SCHIP1: variants seen among roughly 807,000 people sequenced by gnomAD.
The protein encoded by SCHIP1 is schwannomin-interacting protein 1.
Under a neutral mutation model 29.7 loss-of-function variants are expected in SCHIP1, and 8 were observed. The observed-to-expected ratio is 0.27, with a 90% CI of 0.16 to 0.49. The LOEUF (loss-of-function observed/expected upper bound fraction) is 0.49, where lower values mean the gene tolerates loss of function less well. Among genes scored for constraint, SCHIP1 ranks in the 20% least tolerant of loss-of-function variants. The probability of loss-of-function intolerance (pLI) is 0.99; values close to 1 mark genes in which losing one functional copy is unlikely to be tolerated. For missense variants in SCHIP1, 193 were observed against 294.6 expected, an observed-to-expected ratio of 0.66 and a Z score of 2.52; for synonymous variants, 76 against 94.9, an observed-to-expected ratio of 0.80 and a Z score of 1.16.
chr3:159,481,718 T>C, the SCHIP1 span, among the ~76,000 whole-genome samples: 1 of 152,196 alleles, frequency 6.6e-6, no homozygotes, highest in Non-Finnish European at 1.5e-5. Context: ...CACTATGTAA[T>C]TCCTGCCTGT....
At chr3:159,314,491 G>T in the SCHIP1 span, among the ~76,000 whole-genome samples, 4 of 152,180 alleles carry the variant, frequency 2.6e-5, no homozygotes, top group Non-Finnish European at 4.4e-5. Flanking sequence ...ATGAGAGGAA[G>T]CATGCTCTTG....
At chr3:159,682,092 T>C in the SCHIP1 span, among the ~76,000 whole-genome samples, 1 of 152,236 alleles carries the variant, frequency 6.6e-6, no homozygotes, top group Non-Finnish European at 1.5e-5. Flanking sequence ...AGAAGCCCTG[T>C]CCTCAAATGT....
the SCHIP1 span, among the ~76,000 whole-genome samples, chr3:159,798,123 C>T: frequency 6.6e-6 from 1 of 152,200 alleles, no homozygotes; most frequent in African/African-American, 2.4e-5. Flanking sequence ...GGGTCTAATA[C>T]AGGAGCTCAG....
chr3:159,619,419 C>G, the SCHIP1 span, among the ~76,000 whole-genome samples: 4 of 152,222 alleles, frequency 2.6e-5, no homozygotes, highest in Middle Eastern at 3.4e-3. Context: ...CATTGGTTCC[C>G]CCTTGCTTAT....
the SCHIP1 span, among the ~76,000 whole-genome samples, chr3:159,489,795 C>A: frequency 6.6e-6 from 1 of 151,880 alleles, no homozygotes; most frequent in African/African-American, 2.4e-5. Context: ...TTGTACAGAG[C>A]TAATAGAAAG....
At chr3:159,387,330 AT>A in the SCHIP1 span, 2 of 359,816 alleles carry the variant, frequency 5.6e-6, no homozygotes, top group South Asian at 2.3e-5. Context: ...TTATCTCAGC[AT>A]TTTTATGGGC....
the SCHIP1 span, among the ~76,000 whole-genome samples, chr3:159,827,731 G>A: frequency 6.6e-6 from 1 of 151,810 alleles, no homozygotes; most frequent in East Asian, 1.9e-4. Flanking sequence ...CGTGAACCCG[G>A]GAAGCGGAGC....
At chr3:159,807,992 C>T in the SCHIP1 span, among the ~76,000 whole-genome samples, 1 of 152,194 alleles carries the variant, frequency 6.6e-6, no homozygotes, top group Non-Finnish European at 1.5e-5. Context: ...GAGCCCTGTT[C>T]TTCTTACTAT....
At chr3:159,680,650 ATG>A in the SCHIP1 span, among the ~76,000 whole-genome samples, 1 of 55,340 alleles carries the variant, frequency 1.8e-5, no homozygotes, top group African/African-American at 6.2e-5. Context: ...TATATAATAT[ATG>A]TATATATAAA....
At chr3:159,896,200 G>T (rs1328603202) in intron 6 of SCHIP1, among the ~76,000 whole-genome samples, 1 of 152,262 alleles carries the variant, frequency 6.6e-6, no homozygotes, top group East Asian at 1.9e-4. Flanking sequence ...TAATATCTAG[G>T]TCTGTGTCTG....
the SCHIP1 span, among the ~76,000 whole-genome samples, chr3:159,528,148 G>T: frequency 6.6e-6 from 1 of 152,194 alleles, no homozygotes; most frequent in African/African-American, 2.4e-5. Flanking sequence ...AATGAATAAT[G>T]CAAAGGTTTG....
chr3:159,604,045 A>G, the SCHIP1 span, among the ~76,000 whole-genome samples: 1 of 152,162 alleles, frequency 6.6e-6, no homozygotes, highest in Non-Finnish European at 1.5e-5. Flanking sequence ...ACACTGCTGC[A>G]TTGGAGATCA....
At chr3:159,485,721 A>C in the SCHIP1 span, among the ~76,000 whole-genome samples, 1 of 152,148 alleles carries the variant, frequency 6.6e-6, no homozygotes, top group Non-Finnish European at 1.5e-5. Flanking sequence ...AGGCAGCATA[A>C]TACCTCCATT....
the SCHIP1 span, among the ~76,000 whole-genome samples, chr3:159,694,472 T>C: frequency 1.9e-4 from 28 of 151,156 alleles, no homozygotes; most frequent in African/African-American, 6.8e-4. Flanking sequence ...TGAGCCGAGA[T>C]TGTGCTACTG....
At chr3:159,444,923 A>T in the SCHIP1 span, among the ~76,000 whole-genome samples, 31 of 152,292 alleles carry the variant, frequency 2.0e-4, no homozygotes, top group African/African-American at 7.2e-4. Context: ...AACATTAGAA[A>T]ATTCAATTGA....
chr3:159,593,115 G>A, the SCHIP1 span, among the ~76,000 whole-genome samples: 1 of 152,074 alleles, frequency 6.6e-6, no homozygotes, highest in Non-Finnish European at 1.5e-5. Context: ...CAATTGTTGT[G>A]ATAATTTAAA....
chr3:159,887,991 A>C (rs933561128), intron 4 of SCHIP1, 86 bp downstream of exon 5: 90 of 1,535,500 alleles, frequency 5.9e-5, no homozygotes, highest in Non-Finnish European at 7.6e-5. Context: ...GAATTATGCA[A>C]ACTTGTGTTT....
the SCHIP1 span, among the ~76,000 whole-genome samples, chr3:159,469,223 C>A: frequency 2.0e-5 from 3 of 152,106 alleles, no homozygotes; most frequent in East Asian, 3.9e-4. Context: ...AAAGTATTAC[C>A]TACATAAAAC....
At chr3:159,741,987 G>A in the SCHIP1 span, among the ~76,000 whole-genome samples, 3 of 152,186 alleles carry the variant, frequency 2.0e-5, no homozygotes, top group Non-Finnish European at 4.4e-5. Context: ...CCCAGCTCTT[G>A]GAGAGGCTGA....
Sources: allele counts gnomAD v4.1 joint callset (sites outside exome capture counted in the v4.1 genomes callset), GRCh38; gene constraint gnomAD v4.1.1; transcripts MANE v1.5; gene names NCBI Gene and HGNC (gene_info 2026-07-23, HGNC 2026-07-21).